SHANK2: variants seen among roughly 807,000 people sequenced by gnomAD.
SHANK2 encodes the protein SH3 and multiple ankyrin repeat domains 2, also known as SH3 and multiple ankyrin repeat domains protein 2.
Under a neutral mutation model 133.7 loss-of-function variants are expected in SHANK2, and 43 were observed. That is an observed-to-expected ratio of 0.32 (90% CI 0.25 to 0.41). The LOEUF (loss-of-function observed/expected upper bound fraction) is 0.41. Ranked by LOEUF, SHANK2 falls within the 10% of genes least tolerant of loss-of-function variation. SHANK2 has a pLI of 1.00. For synonymous variants in SHANK2, 1,017 were observed against 952.8 expected (o/e 1.07, Z -1.24); for missense variants, 1,994 against 2,235.8 (o/e 0.89, Z 2.18).
intron 17 of SHANK2, among the ~76,000 whole-genome samples, chr11:70,516,005 G>T (rs1012730458): frequency 6.6e-6 from 1 of 151,918 alleles, no homozygotes; most frequent in Admixed American, 6.6e-5. Context: ...TTTGTTTTGG[G>T]CCGTATTTCA....
Position 70,807,386 on chromosome 11 carries a change from G to A in SHANK2, c.1494-215C>T, listed in dbSNP as rs900699695. Among the ~76,000 whole-genome samples, 44 of 152,312 alleles carry A rather than the reference G, an allele frequency of 2.9e-4. No homozygotes were observed. The highest frequency in any genetic ancestry group is 1.0e-3 in the African/African-American group (43 of 41,582). On this transcript the variant is annotated intron_variant, in intron 12 of 25. Transcript: ENST00000601538. This position sits in a 1 kb window ranked among gnomAD's most constrained non-coding sequence, Gnocchi z 4.8. ...ACAATCCCACTCGCAGGTCTGCCCC[G>A]CACAGACAGAAAGCTGCCACTCGGG...
At chr11:71,145,549 G>C (rs148119477) in intron 3 of SHANK2, among the ~76,000 whole-genome samples, 10 of 152,318 alleles carry the variant, frequency 6.6e-5, no homozygotes, top group Admixed American at 2.0e-4. Context: ...GGGCTGAGCA[G>C]AGGGTGCCTG....
At chr11:70,948,550 C>T (rs576735371) in intron 10 of SHANK2, among the ~76,000 whole-genome samples, 1 of 152,320 alleles carries the variant, frequency 6.6e-6, no homozygotes, top group Non-Finnish European at 1.5e-5. Context: ...AGTCTGAATC[C>T]CAAATAAGAC....
chr11:70,833,168 G>A (rs1378968447), intron 11 of SHANK2, among the ~76,000 whole-genome samples: 1 of 152,254 alleles, frequency 6.6e-6, no homozygotes, highest in African/African-American at 2.4e-5. Context: ...AGAAGCCGGC[G>A]AGTGTGGCAC....
intron 11 of SHANK2, among the ~76,000 whole-genome samples, chr11:70,820,916 A>C (rs1216807243): frequency 9.9e-5 from 15 of 152,132 alleles, no homozygotes; most frequent in African/African-American, 3.6e-4. Flanking sequence ...CACGGCACGG[A>C]GCTCAAGCCA....
intron 8 of SHANK2, among the ~76,000 whole-genome samples, chr11:71,091,513 G>C (rs575368072): frequency 4.5e-4 from 68 of 152,226 alleles, no homozygotes; most frequent in African/African-American, 1.5e-3. Flanking sequence ...AAACCAGTCA[G>C]GGCCCTCTGT....
chr11:71,128,342 A>G (rs1404229595), intron 3 of SHANK2, among the ~76,000 whole-genome samples: 2 of 152,214 alleles, frequency 1.3e-5, no homozygotes, highest in African/African-American at 4.8e-5. Context: ...TGCCTGGCCC[A>G]AGGGGCTCAA....
chr11:70,624,314 C>T (rs547398114), intron 17 of SHANK2, among the ~76,000 whole-genome samples: 5 of 152,122 alleles, frequency 3.3e-5, no homozygotes, highest in East Asian at 1.9e-4. Flanking sequence ...AATGGAGCAA[C>T]GCCCCCAGCC....
At chr11:71,060,507 C>A (rs1290292153) in intron 9 of SHANK2, among the ~76,000 whole-genome samples, 3 of 152,246 alleles carry the variant, frequency 2.0e-5, no homozygotes, top group African/African-American at 7.2e-5. Flanking sequence ...GTCCCTGGAA[C>A]GTGTCCTCAG....
intron 8 of SHANK2, among the ~76,000 whole-genome samples, chr11:71,083,142 T>C (rs1402847897): frequency 4.6e-5 from 7 of 152,162 alleles, no homozygotes; most frequent in Non-Finnish European, 8.8e-5. Context: ...AGTTTTGCCA[T>C]GTTGGCTGGG....
rs145654100 is a variant in SHANK2, at chr11:70,875,302, C to T, written c.1174+21199G>A. On this transcript the variant is annotated intron_variant, in intron 11 of 25. Coordinates refer to ENST00000601538, the MANE Select transcript of SHANK2 (RefSeq NM_012309.5). ...TCCGCCCCCAGTAGAGCTCTGCTTTCGGAACATGATGATAAAGCATTAATA... is the reference window on the plus strand; with the variant it reads ...TCCGCCCCCAGTAGAGCTCTGCTTTTGGAACATGATGATAAAGCATTAATA... Among the ~76,000 whole-genome samples, 139 of 152,046 alleles carry T rather than the reference C, an allele frequency of 9.1e-4. 1 individual carries two copies. Among genetic ancestry groups the T allele is most frequent in the Non-Finnish European group, 1.1e-3 (76 of 67,996 alleles).
intron 1 of SHANK2, among the ~76,000 whole-genome samples, chr11:71,232,536 T>A (rs575115484): frequency 1.3e-5 from 2 of 151,968 alleles, no homozygotes; most frequent in Admixed American, 1.3e-4. Flanking sequence ...CTCCTCCTCC[T>A]CTTTCCCCCC....
intron 15 of SHANK2, among the ~76,000 whole-genome samples, chr11:70,665,060 C>A (rs1944653904): frequency 6.6e-6 from 1 of 152,200 alleles, no homozygotes; most frequent in South Asian, 2.1e-4. Context: ...CTTCCCCGGA[C>A]CCCCTTCCTC....
At chr11:70,673,820 T>C (rs1488607553) in intron 15 of SHANK2, among the ~76,000 whole-genome samples, 2 of 152,232 alleles carry the variant, frequency 1.3e-5, no homozygotes, top group Non-Finnish European at 2.9e-5. Context: ...ACTGAAAAGT[T>C]TGCTTCTCTT....
intron 14 of SHANK2, among the ~76,000 whole-genome samples, chr11:70,776,265 C>A (rs1478065553): frequency 7.2e-5 from 11 of 152,212 alleles, no homozygotes; most frequent in Admixed American, 7.2e-4. Flanking sequence ...GGGCAGGTCA[C>A]CCACCCCTCC....
At position 70,861,284 on chromosome 11, in the gene SHANK2, T is replaced by C. The variant is rs1949254453; in HGVS notation, c.1174+35217A>G. Among the ~76,000 whole-genome samples the C allele has an allele frequency of 3.9e-5, 6 of 152,200 alleles. No homozygotes were observed. In the South Asian group the frequency reaches 1.2e-3, roughly 32 times the overall value. ...GTAATGGTTTTGCTCCTCCAGTCTG[T>C]CCTCTTAAAAATGGGTCGTGAAGGA... On this transcript the variant is annotated intron_variant, in intron 11 of 25. Coordinates refer to ENST00000601538, the MANE Select transcript of SHANK2 (RefSeq NM_012309.5).
chr11:71,189,890 C>G (rs782492142), intron 2 of SHANK2, among the ~76,000 whole-genome samples: 1 of 152,358 alleles, frequency 6.6e-6, no homozygotes, highest in East Asian at 1.9e-4. Context: ...GGCTTCAAAG[C>G]CCCAGCATCT....
rs1339449997 is a variant in SHANK2, at chr11:71,203,404, G to A, written c.-13+21293C>T. 2.6e-5 allele frequency among the ~76,000 whole-genome samples: 4 copies of A among 152,270 alleles called. No homozygotes were observed. The South Asian group carries it at 6.2e-4, about 24-fold the overall frequency. ...CCAAGATTTGATCCTGTGCAGCTTG[G>A]ACCAGATGCCAGACATTTTAATACT... On this transcript the variant is annotated intron_variant, in intron 2 of 25. Coordinates refer to ENST00000601538, the MANE Select transcript of SHANK2 (RefSeq NM_012309.5).
intron 14 of SHANK2, among the ~76,000 whole-genome samples, chr11:70,781,564 A>ATATATATATATATATATATATC (rs1947494290): frequency 9.2e-6 from 1 of 109,252 alleles, no homozygotes; most frequent in Non-Finnish European, 1.9e-5. Flanking sequence ...CTTATTATAT[A>ATATATATATATATATATATATC]TATATATATA....
Sources: allele counts gnomAD v4.1 joint callset (sites outside exome capture counted in the v4.1 genomes callset), GRCh38; gene constraint gnomAD v4.1.1; non-coding constraint Gnocchi (gnomAD v3.1); transcripts MANE v1.5; gene names NCBI Gene and HGNC (gene_info 2026-07-23, HGNC 2026-07-21).